Variants in WNK2 observed in about 807,000 individuals in gnomAD.
The protein encoded by WNK2 is WNK lysine deficient protein kinase 2, also known as serine/threonine-protein kinase WNK2.
In WNK2, 67 loss-of-function variants were observed where a neutral mutation model predicts 192.1. That is an observed-to-expected ratio of 0.35 (90% CI 0.29 to 0.43). WNK2 has a LOEUF of 0.43. Ranked by LOEUF, WNK2 falls within the 20% of genes least tolerant of loss-of-function variation. The pLI is 1.00. For synonymous variants in WNK2, 1,439 were observed against 1,393.9 expected (o/e 1.03, Z -0.72); for missense variants, 2,698 against 3,089.7 (o/e 0.87, Z 3.01).
At chr9:93,201,350 G>C (rs1832318991) in intron 2 of WNK2, among the ~76,000 whole-genome samples, 1 of 152,248 alleles carries the variant, frequency 6.6e-6, no homozygotes, top group Non-Finnish European at 1.5e-5. Context: ...GGGTCCAGGT[G>C]GGCTGCTGAC....
In WNK2 at chr9:93,236,152, G is replaced by A. The variant is rs1013984039; in HGVS notation, c.1233+1187G>A. 2.6e-5 allele frequency among the ~76,000 whole-genome samples: 4 copies of A among 152,228 alleles called. No individual in the cohort carries two copies. The East Asian group carries it at 7.7e-4, about 29-fold the overall frequency. On this transcript the variant is annotated intron_variant, in intron 5 of 29. Transcript: ENST00000427277. ...CAGGGATGGTCTGCAGCAGGAGGAA[G>A]TGGGGCGCTCCAGAGATTAAGAGCT...
chr9:93,188,780 C>T (rs1829806667), intron 2 of WNK2, among the ~76,000 whole-genome samples: 1 of 152,168 alleles, frequency 6.6e-6, no homozygotes, highest in African/African-American at 2.4e-5. Context: ...CCTGGGGGTG[C>T]TGATCTGGGT....
chr9:93,311,613 T>TTGTG (rs71364368), intron 28 of WNK2, among the ~76,000 whole-genome samples: 140 of 146,180 alleles, frequency 9.6e-4, no homozygotes, highest in African/African-American at 1.6e-3. Flanking sequence ...GTTTTTTTGT[T>TTGTG]TGTGTGTGTG....
chr9:93,194,435 G>A (rs1830873055), intron 2 of WNK2, among the ~76,000 whole-genome samples: 1 of 152,220 alleles, frequency 6.6e-6, no homozygotes, highest in Non-Finnish European at 1.5e-5. Context: ...AAGACACACA[G>A]ATGGCAAATA....
intron 2 of WNK2, among the ~76,000 whole-genome samples, chr9:93,228,154 C>G (rs887457020): frequency 7.9e-5 from 12 of 152,132 alleles, no homozygotes; most frequent in Admixed American, 5.2e-4. Flanking sequence ...TGGTGATAGT[C>G]ACTGCACAGT....
At chr9:93,303,350 C>G (rs1851938486) in intron 26 of WNK2, among the ~76,000 whole-genome samples, 1 of 152,192 alleles carries the variant, frequency 6.6e-6, no homozygotes, top group African/African-American at 2.4e-5. Flanking sequence ...GATCTTCCCA[C>G]CTGACCGGGC....
rs1457661207 is a variant in WNK2 at position 93,263,634 on chromosome 9, G to A, written c.3479G>A (p.Gly1160Asp). The A allele has an allele frequency of 2.5e-6, 4 of 1,607,468 alleles. No homozygotes were observed. ...AGCTGTGAAGGCGCCTTTGGAGGGG[G>A]CAGGCTGGAGGGCAGGGCAGCCCGA... ...SDSCEGAFGG[G>D]RLEGRAARKH... Residue 1160 changes from glycine (G) to aspartate (D), a missense_variant, in exon 15 of 30, where the codon GGC (glycine) becomes GAC (aspartate). This residue lies in a region of WNK2 where 893 missense variants were observed against 909.0 expected (regional missense o/e 0.98). Coordinates refer to ENST00000427277, the MANE Select transcript of WNK2 (RefSeq NM_006648.4).
In WNK2 at chr9:93,247,487, T is replaced by C; in HGVS notation, c.1543-56T>C. 6.4e-7 allele frequency: 1 copy of C among 1,559,936 alleles called. No individual in the cohort carries two copies. Among genetic ancestry groups the C allele is most frequent in the Non-Finnish European group, 8.7e-7 (1 of 1,148,332 alleles). ...ATGGGAAAGCACTTTAGGTAAGGGG[T>C]GTGGGCCGGTGAGGGCTGATCCCCA... is the stretch of plus-strand genomic sequence containing the variant. On this transcript the variant is annotated intron_variant, in intron 7 of 29. Coordinates refer to ENST00000427277, the MANE Select transcript of WNK2 (RefSeq NM_006648.4). The surrounding 1 kb of genome is among the most constrained non-coding windows in gnomAD (Gnocchi z 5.2).
chr9:93,198,338 T>A (rs1005762419), intron 2 of WNK2, among the ~76,000 whole-genome samples: 13 of 152,196 alleles, frequency 8.5e-5, no homozygotes, highest in Admixed American at 5.2e-4. Context: ...CGGCTGCAGT[T>A]TCCCCAGGCA....
At position 93,301,655 on chromosome 9, in the gene WNK2, G is replaced by A. The variant is rs115454325; in HGVS notation, c.6214+1506G>A. On this transcript the variant is annotated intron_variant, in intron 26 of 29. Coordinates refer to ENST00000427277, the MANE Select transcript of WNK2 (RefSeq NM_006648.4). ...GGTTCCTTCTCCGCAGCCGGTTCCC[G>A]GCCCTGCTGGCCTTGTGCCTCACTT... 8.6e-3 allele frequency among the ~76,000 whole-genome samples: 1,312 copies of A among 152,220 alleles called. 24 individuals are homozygous for A. Among genetic ancestry groups the A allele is most frequent in the African/African-American group, 0.03 (1,228 of 41,542 alleles).
At chr9:93,221,058 G>A (rs574344870) in intron 2 of WNK2, among the ~76,000 whole-genome samples, 1 of 152,194 alleles carries the variant, frequency 6.6e-6, no homozygotes, top group Non-Finnish European at 1.5e-5. Flanking sequence ...TGGGCCTGGG[G>A]TGGGGAGGGC....
At chr9:93,203,258 G>A (rs762440261) in intron 2 of WNK2, among the ~76,000 whole-genome samples, 4 of 152,216 alleles carry the variant, frequency 2.6e-5, no homozygotes, top group African/African-American at 9.6e-5. Flanking sequence ...TGGGCCAGGG[G>A]TTTGGCCCAG....
Position 93,252,972 on chromosome 9 carries a change from G to A in WNK2, c.1924G>A (p.Asp642Asn), listed in dbSNP as rs1267590507. The A allele has an allele frequency of 2.5e-6, 4 of 1,572,916 alleles. No homozygotes were observed. The highest frequency in any genetic ancestry group is 1.2e-5 in the South Asian group (1 of 85,414). Residue 642 changes from aspartate to asparagine, a missense_variant, in exon 9 of 30, where the codon GAC (aspartate) becomes AAC (asparagine). Around this residue, in one of 7 missense-constraint regions of WNK2, gnomAD observed 893 missense variants for 909.0 expected, o/e 0.98. Transcript: ENST00000427277. ...GAGCGTGATGCTTGGCTCCCTTGCC[G>A]ACGCAGCGCCGTCCCCGGCCCAGTG... Reference protein sequence around the residue: ...QQSVMLGSLADAAPSPAQCVC... With the variant: ...QQSVMLGSLANAAPSPAQCVC...
rs776856567 is a variant in WNK2 at position 93,317,534 on chromosome 9, A to T, written c.6531A>T (p.Arg2177=). 1.2e-6 allele frequency: 2 copies of T among 1,613,666 alleles called. No individual in the cohort carries two copies. Among genetic ancestry groups the T allele is most frequent in the Non-Finnish European group, 1.7e-6 (2 of 1,179,834 alleles). Residue 2177 remains arginine, a synonymous_variant, in exon 29 of 30, where the codon CGA becomes CGT. Coordinates refer to ENST00000427277, the MANE Select transcript of WNK2 (RefSeq NM_006648.4). Reference sequence around the variant, plus strand: ...GTGTTTTGTAGATGACCGCACCTCGAGCAGGAGTGGGGATGCCACGTCTGC... The same window carrying T: ...GTGTTTTGTAGATGACCGCACCTCGTGCAGGAGTGGGGATGCCACGTCTGC... The part of the protein sequence containing the change: ...PGEARAMTAP[R]AGVGMPRLPP...
In WNK2 at chr9:93,263,694, G is replaced by A. The variant is rs776300458; in HGVS notation, c.3539G>A (p.Arg1180Gln). The part of the protein sequence containing the change: ...HHRRSTRARS[R>Q]QERASRPRLT... ...CGCAGGTCCACGCGTGCGCGCTCCC[G>A]GCAGGAGAGGGCCAGCCGGCCCCGG... Residue 1180 changes from arginine to glutamine, a missense_variant, in exon 15 of 30, where the codon CGG becomes CAG. Physicochemically the swap from Arg to Gln is conservative, Grantham distance 43 (BLOSUM62 1). Coordinates refer to ENST00000427277, the MANE Select transcript of WNK2 (RefSeq NM_006648.4). 5.2e-6 allele frequency: 8 copies of A among 1,552,182 alleles called. No individual in the cohort carries two copies. Among genetic ancestry groups the A allele is most frequent in the African/African-American group, 4.1e-5 (3 of 72,854 alleles).
At chr9:93,264,439 C>T (rs2133073067) in intron 16 of WNK2, among the ~76,000 whole-genome samples, 1 of 152,242 alleles carries the variant, frequency 6.6e-6, no homozygotes, top group South Asian at 2.1e-4. Context: ...GAGCCCTGAC[C>T]CATGTCCCAT....
chr9:93,220,443 C>T (rs562339393), intron 2 of WNK2, among the ~76,000 whole-genome samples: 3 of 152,292 alleles, frequency 2.0e-5, no homozygotes, highest in South Asian at 4.1e-4. Context: ...CACAGCCGTG[C>T]ACTAACCCTG....
chr9:93,186,661 A>C (rs1282082130), intron 2 of WNK2, among the ~76,000 whole-genome samples: 5 of 152,022 alleles, frequency 3.3e-5, no homozygotes, highest in African/African-American at 1.2e-4. Context: ...TGCATTTTTG[A>C]CTCAGAAGTG....
rs760590035 is a variant in WNK2 at position 93,299,164 on chromosome 9, G to A, written c.6018G>A (p.Lys2006=). The A allele has an allele frequency of 7.4e-6, 12 of 1,611,356 alleles. No homozygotes were observed. The highest frequency in any genetic ancestry group is 9.3e-6 in the Non-Finnish European group (11 of 1,178,874). The change falls in exon 25 of 30, where the codon AAG becomes AAA. Residue 2006 remains lysine (K), a synonymous_variant. Coordinates refer to ENST00000427277, the MANE Select transcript of WNK2 (RefSeq NM_006648.4). ...CAGACAGCACGGGCCTGAGCGGGAAGGCAGTGCAGACCCAGCAGCCCTGCT... is the reference window on the plus strand; with the variant it reads ...CAGACAGCACGGGCCTGAGCGGGAAAGCAGTGCAGACCCAGCAGCCCTGCT... ...LTADSTGLSG[K]AVQTQQPCSV...
Sources: gnomAD v4.1 joint callset for allele counts (sites outside exome capture counted in the v4.1 genomes callset) on GRCh38, gnomAD v4.1.1 for gene constraint, gnomAD v4.1.1 regional missense constraint, Gnocchi (gnomAD v3.1) non-coding constraint, MANE v1.5 for transcripts, NCBI Gene and HGNC (gene_info 2026-07-23, HGNC 2026-07-21) for gene names.